Variants in ADAMTS6 observed in about 807,000 individuals in gnomAD.
ADAMTS6 encodes ADAM metallopeptidase with thrombospondin type 1 motif 6, also known as A disintegrin and metalloproteinase with thrombospondin motifs 6.
Under a neutral mutation model 144.3 loss-of-function variants are expected in ADAMTS6, and 23 were observed. That is an observed-to-expected ratio of 0.16 (90% confidence interval 0.11 to 0.23). The LOEUF is 0.23. Ranked by LOEUF, ADAMTS6 falls within the 10% of genes least tolerant of loss-of-function variation. The pLI is 1.00. For missense variants in ADAMTS6, 999 were observed against 1,379.6 expected (o/e 0.72, Z 4.37); for synonymous variants, 444 against 457.5 (o/e 0.97, Z 0.38).
chr5:65,458,394 T>G (rs1164753134), intron 4 of ADAMTS6, among the ~76,000 whole-genome samples: 7 of 152,158 alleles, frequency 4.6e-5, no homozygotes, highest in Non-Finnish European at 7.4e-5. Flanking sequence ...TATCATACAC[T>G]AATTCACAAG....
At chr5:65,247,849 G>A (rs866863747) in intron 14 of ADAMTS6, among the ~76,000 whole-genome samples, 12 of 151,942 alleles carry the variant, frequency 7.9e-5, no homozygotes, top group South Asian at 2.1e-4. Flanking sequence ...TCACTCTTGC[G>A]TCATCCCTGT....
chr5:65,184,915 G>A (rs1754578916), intron 22 of ADAMTS6, among the ~76,000 whole-genome samples: 1 of 152,100 alleles, frequency 6.6e-6, no homozygotes, highest in African/African-American at 2.4e-5. Context: ...AAGGGTCAAA[G>A]GGCAAATTCC....
intron 24 of ADAMTS6, among the ~76,000 whole-genome samples, chr5:65,163,800 A>C (rs1189656716): frequency 1.3e-5 from 2 of 152,210 alleles, no homozygotes; most frequent in African/African-American, 2.4e-5. Context: ...AGGCAGTCTA[A>C]ACTTCTGCAC....
At chr5:65,162,936 G>A (rs760436891) in intron 24 of ADAMTS6, among the ~76,000 whole-genome samples, 2 of 152,150 alleles carry the variant, frequency 1.3e-5, no homozygotes, top group South Asian at 4.1e-4. Flanking sequence ...CTGAGACAGA[G>A]TCTCAGTCTG....
intron 15 of ADAMTS6, among the ~76,000 whole-genome samples, chr5:65,234,884 A>G (rs1758550335): frequency 6.6e-6 from 1 of 152,222 alleles, no homozygotes; most frequent in African/African-American, 2.4e-5. Context: ...TGAATGGATA[A>G]GAAAATTGTT....
intron 7 of ADAMTS6, among the ~76,000 whole-genome samples, chr5:65,370,398 G>C (rs4700677): frequency 6.6e-6 from 1 of 152,132 alleles, no homozygotes; most frequent in Admixed American, 6.5e-5. Context: ...CAGACAGCGC[G>C]CGCAGGTCAG....
intron 7 of ADAMTS6, 143 bp from the exon 8 acceptor site, chr5:65,334,228 C>T: frequency 1.1e-6 from 1 of 905,290 alleles, no homozygotes; most frequent in Non-Finnish European, 1.6e-6. Context: ...GCATTTTCAG[C>T]ACTCTACAGT....
chr5:65,343,987 T>C (rs1373865832), intron 7 of ADAMTS6, among the ~76,000 whole-genome samples: 1 of 152,072 alleles, frequency 6.6e-6, no homozygotes, highest in Non-Finnish European at 1.5e-5. Context: ...CTTTTGCTGA[T>C]AGCATGAATT....
At chr5:65,233,836 A>G (rs1758447149) in intron 15 of ADAMTS6, among the ~76,000 whole-genome samples, 1 of 152,128 alleles carries the variant, frequency 6.6e-6, no homozygotes, top group African/African-American at 2.4e-5. Context: ...ATCTTGAGCA[A>G]GAACAACAAA....
chr5:65,226,900 A>T (rs1002004221), intron 15 of ADAMTS6, among the ~76,000 whole-genome samples: 5 of 152,126 alleles, frequency 3.3e-5, no homozygotes, highest in Non-Finnish European at 5.9e-5. Flanking sequence ...ACAATTTTTT[A>T]AAAAAACCTA....
At position 65,188,085 on chromosome 5, in the gene ADAMTS6, C is replaced by G. The variant is rs771952018; in HGVS notation, c.2841G>C (p.Arg947=). The G allele has an allele frequency of 6.2e-7, 1 of 1,614,118 alleles. No individual in the cohort carries two copies. Among genetic ancestry groups the G allele is most frequent in the Non-Finnish European group, 8.5e-7 (1 of 1,179,996 alleles). Residue 947 remains arginine (R), a synonymous_variant, in exon 22 of 25, where the codon CGG becomes CGC. Transcript: ENST00000381055. ...TLDYSGCLTH[R]PVEKEPCNNQ... ...TGTTGCAGGGCTCTTTTTCGACAGG[C>G]CGGTGTGTTAAACAACCACTGTAGT...
intron 7 of ADAMTS6, among the ~76,000 whole-genome samples, chr5:65,406,425 T>TCTTTGTTTTTG (rs1223265946): frequency 1.3e-5 from 2 of 152,114 alleles, no homozygotes; most frequent in African/African-American, 4.8e-5. Flanking sequence ...TTGTCTTTGG[T>TCTTTGTTTTTG]TCTGTTTATA....
chr5:65,457,216 G>A (rs980913153), intron 4 of ADAMTS6, among the ~76,000 whole-genome samples: 2 of 152,128 alleles, frequency 1.3e-5, no homozygotes, highest in Non-Finnish European at 2.9e-5. Flanking sequence ...CAGATATAGG[G>A]GACAGATTTT....
intron 2 of ADAMTS6, among the ~76,000 whole-genome samples, chr5:65,471,601 C>CAA (rs11433865): frequency 6.6e-6 from 1 of 151,670 alleles, no homozygotes; most frequent in African/African-American, 2.4e-5. Flanking sequence ...ACTAAAAATA[C>CAA]AAAAAAATTA....
At chr5:65,450,411 T>C (rs1580736311) in intron 7 of ADAMTS6, among the ~76,000 whole-genome samples, 1 of 152,170 alleles carries the variant, frequency 6.6e-6, no homozygotes, top group African/African-American at 2.4e-5. Context: ...CTAACTCATA[T>C]ACTTTGTATT....
intron 24 of ADAMTS6, among the ~76,000 whole-genome samples, chr5:65,167,523 A>T (rs1158359776): frequency 6.7e-6 from 1 of 150,082 alleles, no homozygotes; most frequent in Non-Finnish European, 1.5e-5. Context: ...ATCCTCCCTA[A>T]CTCATTTTAT....
At chr5:65,239,762 C>T (rs979969887) in intron 15 of ADAMTS6, among the ~76,000 whole-genome samples, 5 of 151,902 alleles carry the variant, frequency 3.3e-5, no homozygotes, top group African/African-American at 4.8e-5. Context: ...TATATGAAAA[C>T]GTGCTTAACA....
chr5:65,404,814 C>A (rs1350154128), intron 7 of ADAMTS6, among the ~76,000 whole-genome samples: 1 of 152,234 alleles, frequency 6.6e-6, no homozygotes, highest in South Asian at 2.1e-4. Flanking sequence ...CTGTTGTTTC[C>A]TGACTTTTTA....
intron 7 of ADAMTS6, among the ~76,000 whole-genome samples, chr5:65,425,679 G>C (rs1275108612): frequency 1.3e-5 from 2 of 151,908 alleles, no homozygotes; most frequent in East Asian, 1.9e-4. Flanking sequence ...ACCTTCCTAG[G>C]ACATTATTAT....
Sources: gnomAD v4.1 joint callset for allele counts (sites outside exome capture counted in the v4.1 genomes callset) on GRCh38, gnomAD v4.1.1 for gene constraint, MANE v1.5 for transcripts, NCBI Gene and HGNC (gene_info 2026-07-23, HGNC 2026-07-21) for gene names.